Variants in POM121 observed in about 807,000 individuals in gnomAD.
The protein encoded by POM121 is nuclear envelope pore membrane protein POM 121.
POM121 carries 32 observed loss-of-function variants against 81.3 expected under a neutral mutation model. That is an observed-to-expected ratio of 0.39 (90% CI 0.30 to 0.53). The LOEUF is 0.53. Ranked by LOEUF, POM121 falls within the 20% of genes least tolerant of loss-of-function variation. The probability of loss-of-function intolerance (pLI) is 0.66; values close to 1 mark genes in which losing one functional copy is unlikely to be tolerated. For missense variants in POM121, 1,138 were observed against 1,614.6 expected, an observed-to-expected ratio of 0.70 and a Z score of 5.06; for synonymous variants, 514 against 694.2, an observed-to-expected ratio of 0.74 and a Z score of 4.08.
At chr7:72,950,281 G>A (rs1410682946), downstream of POM121, 18 of 1,150,922 alleles carry the variant, frequency 1.6e-5, no homozygotes, top group Non-Finnish European at 1.8e-5. Flanking sequence ...TGCAACAAAT[G>A]TTACCACAGC....
chr7:72,907,045 GT>G (rs559296631), intron 3 of POM121, among the ~76,000 whole-genome samples: 10 of 152,018 alleles, frequency 6.6e-5, no homozygotes, highest in African/African-American at 2.4e-4. Context: ...TTCCCTCTGG[GT>G]TTTTTTATAC....
chr7:72,924,837 G>A (rs1257954541), upstream of POM121: 1 of 416,492 alleles, frequency 2.4e-6, no homozygotes, highest in Non-Finnish European at 4.1e-6. Flanking sequence ...TCACGGATTA[G>A]GAATTACGTA....
chr7:72,917,585 C>T (rs1304429634), intron 4 of POM121, among the ~76,000 whole-genome samples: 6 of 152,116 alleles, frequency 3.9e-5, no homozygotes, highest in Non-Finnish European at 2.9e-5. Flanking sequence ...CTAGGGCTAC[C>T]ATCACGAAAT....
At chr7:72,885,914 C>A (rs1297053119) in intron 1 of POM121, among the ~76,000 whole-genome samples, 1 of 151,660 alleles carries the variant, frequency 6.6e-6, no homozygotes, top group East Asian at 1.9e-4. Context: ...TACTTTATAT[C>A]TTTTGTTGAG....
upstream of POM121, among the ~76,000 whole-genome samples, chr7:72,922,856 C>G (rs542338277): frequency 6.4e-3 from 942 of 147,838 alleles, 3 homozygotes; most frequent in South Asian, 0.015. Flanking sequence ...GGTTTCAGGA[C>G]ATCTGTACCC....
At chr7:72,948,474 C>T (rs367915096), downstream of POM121, 13 of 1,613,344 alleles carry the variant, frequency 8.1e-6, no homozygotes, top group East Asian at 4.5e-5. Flanking sequence ...GGAGTGAGCC[C>T]GGAGCCTCTG....
chr7:72,947,987 G>T lies in POM121; in HGVS notation c.*1753G>T, dbSNP rs1226580740. On this transcript the variant is annotated 3_prime_UTR_variant, in exon 13 of 13. Transcript: ENST00000434423. ...AACCTCAAGCCTAAATACCTGTTAGGATTGGAGGGTCTGGGTGGGCCTGGG... is the reference window on the plus strand; with the variant it reads ...AACCTCAAGCCTAAATACCTGTTAGTATTGGAGGGTCTGGGTGGGCCTGGG... 1 of 1,091,900 alleles carries T rather than the reference G, an allele frequency of 9.2e-7. No homozygotes were observed. The highest frequency in any genetic ancestry group is 1.1e-6 in the Non-Finnish European group (1 of 893,522). The allele number at this position is 1,091,900 out of a possible 1,614,324, so 67.6% of individuals were successfully genotyped here.
rs868983249 is a variant in POM121, at chr7:72,907,234, A to G, written c.-215-6531A>G. On this transcript the variant is annotated intron_variant, in intron 3 of 15. Coordinates refer to the POM121 transcript ENST00000395270. Reference sequence around the variant, plus strand: ...TACTTATGATTGTTGGCTAGTATCAACCTTTTACCAGTTCAAGTGGAATGT... The same window carrying G: ...TACTTATGATTGTTGGCTAGTATCAGCCTTTTACCAGTTCAAGTGGAATGT... 2.0e-5 allele frequency among the ~76,000 whole-genome samples: 3 copies of G among 152,250 alleles called. No homozygotes were observed. The South Asian group carries it at 6.2e-4, about 32-fold the overall frequency.
In POM121 at chr7:72,926,816, T is replaced by G; in HGVS notation, c.875T>G (p.Ile292Ser). 1 of 1,613,786 alleles carries G rather than the reference T, an allele frequency of 6.2e-7. No homozygotes were observed. The highest frequency in any genetic ancestry group is 8.5e-7 in the Non-Finnish European group (1 of 1,179,820). The change falls in exon 3 of 13, where the codon ATC (isoleucine) becomes AGC (serine). Residue 292 changes from isoleucine to serine, a missense_variant. Coordinates refer to ENST00000434423, the MANE Select transcript of POM121 (RefSeq NM_001387691.1). The stretch of plus-strand genomic sequence containing the variant: ...TTTCATTGTAGACCAGAGCAGATAA[T>G]CAGCTCAACACTGTCCTCACCATCA... ...FSRSAIPEQI[I>S]SSTLSSPSSN...
Position 72,925,116 on chromosome 7 carries a change from G to T in POM121, c.-6G>T. 3 of 1,405,084 alleles carry T rather than the reference G, an allele frequency of 2.1e-6. No homozygotes were observed. The highest frequency in any genetic ancestry group is 1.5e-5 in the South Asian group (1 of 64,652). The allele number at this position is 1,405,084 out of a possible 1,614,324, so 87.0% of individuals were successfully genotyped here. ...ATTTAAGTCTCCTCCGCGGCGCGGA[G>T]CCGCGATGTCTCCGGCGGCTGCGGC... On this transcript the variant is annotated 5_prime_UTR_variant, in exon 1 of 13. Coordinates refer to ENST00000434423, the MANE Select transcript of POM121 (RefSeq NM_001387691.1).
exon 1 of POM121, chr7:72,879,536 G>A (rs1441114596): frequency 2.7e-5 from 7 of 263,594 alleles, no homozygotes; most frequent in South Asian, 1.5e-4. Flanking sequence ...GGCTCGAGCC[G>A]GGACCCCCGA....
chr7:72,949,115 G>C (rs782397792), downstream of POM121: 3 of 1,568,820 alleles, frequency 1.9e-6, no homozygotes, highest in African/African-American at 4.1e-5. Flanking sequence ...AAGGAAAAGC[G>C]TGTCTCGGTT....
intron 3 of POM121, among the ~76,000 whole-genome samples, chr7:72,891,469 T>C (rs138647115): frequency 1.4e-4 from 21 of 152,276 alleles, no homozygotes; most frequent in African/African-American, 4.6e-4. Context: ...TGCACTGGTA[T>C]GATCTCAGCT....
In POM121 at chr7:72,943,113, G is replaced by A. The variant is rs1445987657; in HGVS notation, c.3120G>A (p.Leu1040=). The A allele has an allele frequency of 5.6e-6, 9 of 1,613,138 alleles. No individual in the cohort carries two copies. Among genetic ancestry groups the A allele is most frequent in the Admixed American group, 5.0e-5 (3 of 59,830 alleles). ...FGGATHSAFG[L]KATASAFGAP... ...GTGCCACGCACTCGGCGTTTGGGTT[G>A]AAAGCCACGGCTTCGGCCTTCGGCG... Residue 1040 remains leucine (L), a synonymous_variant, in exon 11 of 13, where the codon TTG becomes TTA. Coordinates refer to ENST00000434423, the MANE Select transcript of POM121 (RefSeq NM_001387691.1).
chr7:72,898,901 C>T (rs1554492163), intron 3 of POM121, among the ~76,000 whole-genome samples: 3 of 151,082 alleles, frequency 2.0e-5, no homozygotes, highest in South Asian at 2.1e-4. Context: ...AGTTTGTCTC[C>T]GACTGGCGAG....
In POM121 at chr7:72,938,391, A is replaced by G. The variant is rs149721898; in HGVS notation, c.1276-199A>G. Among the ~76,000 whole-genome samples, 17 of 152,088 alleles carry G rather than the reference A, an allele frequency of 1.1e-4. No individual in the cohort carries two copies. In the East Asian group the frequency reaches 2.7e-3, roughly 24 times the overall value. ...TTTTTGTAGAGACAGGGGTCTCGCT[A>G]TGTTACCCAGGCTGGGCTCAAATTC... On this transcript the variant is annotated intron_variant, in intron 5 of 12. Coordinates refer to ENST00000434423, the MANE Select transcript of POM121 (RefSeq NM_001387691.1).
intron 3 of POM121, among the ~76,000 whole-genome samples, chr7:72,895,524 T>C (rs1791854545): frequency 2.6e-5 from 4 of 152,242 alleles, no homozygotes; most frequent in Admixed American, 1.3e-4. Context: ...AGCTTGACTA[T>C]TGCAGCAGTC....
intron 5 of POM121, among the ~76,000 whole-genome samples, chr7:72,937,129 C>G (rs561285592): frequency 6.2e-4 from 94 of 152,122 alleles, no homozygotes; most frequent in African/African-American, 2.1e-3. Flanking sequence ...GTGGCATGTT[C>G]CTGTAGTCCC....
Position 72,925,495 on chromosome 7 carries a change from T to A in POM121, c.374T>A (p.Leu125Gln), listed in dbSNP as rs1795315385. 1.3e-6 allele frequency: 2 copies of A among 1,533,172 alleles called. No homozygotes were observed. The highest frequency in any genetic ancestry group is 8.7e-7 in the Non-Finnish European group (1 of 1,146,336). 95.0% of individuals were successfully genotyped at this position (1,533,172 alleles called of 1,614,324 possible). ...GGAAACCTCCTAGAGCCGCGGACCC[T>A]GCTCGAAGGACCTGACCCTGCGGAA... ...ANGNLLEPRT[L>Q]LEGPDPAELL... Residue 125 changes from leucine to glutamine, a missense_variant, in exon 1 of 13, where the codon CTG becomes CAG. This residue lies in a region of POM121 where 646 missense variants were observed against 633.5 expected (regional missense o/e 1.02). Transcript: ENST00000434423.
Sources: gnomAD v4.1 joint callset for allele counts (sites outside exome capture counted in the v4.1 genomes callset) on GRCh38, gnomAD v4.1.1 for gene constraint, gnomAD v4.1.1 regional missense constraint, MANE v1.5 for transcripts, NCBI Gene and HGNC (gene_info 2026-07-23, HGNC 2026-07-21) for gene names.